The following PCCA variants were observed in gnomAD, a reference collection of about 807,000 sequenced individuals.
PCCA encodes propionyl-CoA carboxylase alpha chain, mitochondrial.
A neutral mutation model predicts 101.3 loss-of-function variants in PCCA; 74 were observed. The ratio of observed to expected loss-of-function variants is 0.73; its 90% CI spans 0.61 to 0.89. The LOEUF (loss-of-function observed/expected upper bound fraction) is 0.89, where lower values mean the gene tolerates loss of function less well. Among genes scored for constraint, PCCA ranks in the 40% least tolerant of loss-of-function variants. The pLI is 0.00. For missense variants in PCCA, 891 were observed against 907.0 expected, an observed-to-expected ratio of 0.98 and a Z score of 0.23; for synonymous variants, 294 against 313.6, an observed-to-expected ratio of 0.94 and a Z score of 0.66.
At chr13:100,269,444 G>T (rs1241120608) in intron 11 of PCCA, among the ~76,000 whole-genome samples, 1 of 152,132 alleles carries the variant, frequency 6.6e-6, no homozygotes, top group Non-Finnish European at 1.5e-5. Flanking sequence ...GGTTCATAAA[G>T]TTGGTCCTGA....
intron 6 of PCCA, among the ~76,000 whole-genome samples, chr13:100,184,065 G>T (rs926990214): frequency 1.3e-5 from 2 of 152,170 alleles, no homozygotes; most frequent in African/African-American, 2.4e-5. Flanking sequence ...TACAAGAAGC[G>T]TGGTGTCATC....
chr13:100,436,652 C>A (rs2079960437), intron 20 of PCCA, among the ~76,000 whole-genome samples: 1 of 152,216 alleles, frequency 6.6e-6, no homozygotes, highest in Non-Finnish European at 1.5e-5. Context: ...TAATAAATTT[C>A]ATAGGTTATT....
At chr13:100,217,636 T>G (rs1370372504) in intron 7 of PCCA, among the ~76,000 whole-genome samples, 2 of 151,534 alleles carry the variant, frequency 1.3e-5, no homozygotes, top group East Asian at 3.9e-4. Context: ...AAAATCCACC[T>G]GAGGTCAGGA....
intron 19 of PCCA, among the ~76,000 whole-genome samples, chr13:100,386,420 T>TTGGGGTGC (rs1313367415): frequency 2.3e-4 from 35 of 152,204 alleles, no homozygotes; most frequent in African/African-American, 8.4e-4. Flanking sequence ...GTAGCCCAGG[T>TTGGGGTGC]TGGGGTGCTG....
chr13:100,374,027 A>G (rs553688488), intron 19 of PCCA, among the ~76,000 whole-genome samples: 1 of 152,178 alleles, frequency 6.6e-6, no homozygotes, highest in South Asian at 2.1e-4. Context: ...CAGGAGAATC[A>G]CTTGAACACA....
chr13:100,323,889 A>G (rs946271723), intron 16 of PCCA, among the ~76,000 whole-genome samples: 4 of 152,200 alleles, frequency 2.6e-5, no homozygotes, highest in African/African-American at 9.7e-5. Context: ...GAGGTTAACT[A>G]ACTTACCTAA....
chr13:100,272,426 C>A (rs926830626), intron 11 of PCCA, among the ~76,000 whole-genome samples: 1 of 152,158 alleles, frequency 6.6e-6, no homozygotes, highest in Non-Finnish European at 1.5e-5. Context: ...TCCTGGCCAA[C>A]AAGACTATAA....
At chr13:100,275,044 T>TGGG (rs1566843658) in intron 12 of PCCA, among the ~76,000 whole-genome samples, 1 of 1,980 alleles carries the variant, frequency 5.1e-4, no homozygotes, top group Non-Finnish European at 1.1e-3. Context: ...GTTAGGCCCT[T>TGGG]GGGGGAGGGG....
intron 11 of PCCA, among the ~76,000 whole-genome samples, chr13:100,270,585 G>T (rs566987602): frequency 4.6e-4 from 70 of 151,846 alleles, no homozygotes; most frequent in African/African-American, 1.6e-3. Flanking sequence ...CTTATTTAGA[G>T]AAAAAAAGGA....
chr13:100,303,085 G>A (rs778777627), intron 14 of PCCA, 87 bp downstream of exon 14: 1 of 828,690 alleles, frequency 1.2e-6, no homozygotes, highest in Non-Finnish European at 2.1e-6. Flanking sequence ...AACACCAAAG[G>A]GTGTAAATTG....
At chr13:100,206,501 C>G (rs1164719273) in intron 6 of PCCA, among the ~76,000 whole-genome samples, 1 of 152,192 alleles carries the variant, frequency 6.6e-6, no homozygotes, top group Non-Finnish European at 1.5e-5. Flanking sequence ...CTCAGGTGAT[C>G]TGCCTGCCTT....
In PCCA at chr13:100,309,882, A is replaced by G; in HGVS notation, c.1403A>G (p.Asp468Gly). The G allele has an allele frequency of 6.2e-7, 1 of 1,612,936 alleles. No individual in the cohort carries two copies. The highest frequency in any genetic ancestry group is 1.3e-5 in the African/African-American group (1 of 75,030). ...DRTEALKRMADALDNYVIRGV... is the reference protein window; with the variant it reads ...DRTEALKRMAGALDNYVIRGV... ...ACTGAGGCACTGAAGAGAATGGCAGATGCACTGGATAACTATGTTATTCGA... is the reference window on the plus strand; with the variant it reads ...ACTGAGGCACTGAAGAGAATGGCAGGTGCACTGGATAACTATGTTATTCGA... The change falls in exon 16 of 24, where the codon GAT becomes GGT. Residue 468 changes from aspartate (D) to glycine (G), a missense_variant. Asp to Gly is a moderately conservative substitution (Grantham distance 94). Transcript: ENST00000376285.
At chr13:100,188,265 C>G (rs995742965) in intron 6 of PCCA, among the ~76,000 whole-genome samples, 9 of 149,204 alleles carry the variant, frequency 6.0e-5, no homozygotes, top group Non-Finnish European at 1.0e-4. Context: ...TGCACTCCAG[C>G]CTGGCGACAG....
intron 18 of PCCA, among the ~76,000 whole-genome samples, chr13:100,360,669 C>G (rs2074475817): frequency 6.6e-6 from 1 of 152,186 alleles, no homozygotes; most frequent in Non-Finnish European, 1.5e-5. Context: ...ACACCACGTG[C>G]TGCTGAGGAT....
At chr13:100,163,215 T>C (rs888481649) in intron 6 of PCCA, among the ~76,000 whole-genome samples, 18 of 152,164 alleles carry the variant, frequency 1.2e-4, no homozygotes, top group African/African-American at 3.4e-4. Context: ...GGGATTTTTT[T>C]CCCTTTGCTT....
At chr13:100,122,289 G>C (rs2049484169) in intron 4 of PCCA, among the ~76,000 whole-genome samples, 1 of 152,140 alleles carries the variant, frequency 6.6e-6, no homozygotes, top group Non-Finnish European at 1.5e-5. Context: ...ATATTTACAA[G>C]AGATATTGTC....
At chr13:100,493,836 C>G (rs2085081460) in intron 21 of PCCA, among the ~76,000 whole-genome samples, 1 of 152,218 alleles carries the variant, frequency 6.6e-6, no homozygotes, top group Non-Finnish European at 1.5e-5. Flanking sequence ...TTCAGCTTCT[C>G]TTTAAAGTAC....
At chr13:100,254,187 A>C (rs1409034659) in intron 8 of PCCA, among the ~76,000 whole-genome samples, 1 of 152,054 alleles carries the variant, frequency 6.6e-6, no homozygotes, top group Non-Finnish European at 1.5e-5. Flanking sequence ...ACTCACTATC[A>C]CGAGGACAGT....
chr13:100,419,772 A>T (rs1223428614), intron 19 of PCCA, among the ~76,000 whole-genome samples: 1 of 152,234 alleles, frequency 6.6e-6, no homozygotes, highest in African/African-American at 2.4e-5. Flanking sequence ...AGGAAAGAGC[A>T]TGGCTGGTTA....
Sources: gnomAD v4.1 joint callset for allele counts (sites outside exome capture counted in the v4.1 genomes callset) on GRCh38, gnomAD v4.1.1 for gene constraint, MANE v1.5 for transcripts, NCBI Gene and HGNC (gene_info 2026-07-23, HGNC 2026-07-21) for gene names.